Variants in B4GALT4 observed in about 807,000 individuals in gnomAD.
B4GALT4 encodes the protein beta-1,4-galactosyltransferase 4.
Under a neutral mutation model 37.3 loss-of-function variants are expected in B4GALT4, and 27 were observed. That is an observed-to-expected ratio of 0.72 (90% confidence interval 0.53 to 1.00). The LOEUF is 1.00. Among genes scored for constraint, B4GALT4 ranks in the 50% least tolerant of loss-of-function variants. The probability of loss-of-function intolerance (pLI) is 0.00; values close to 1 mark genes in which losing one functional copy is unlikely to be tolerated. For synonymous variants in B4GALT4, 148 were observed against 154.1 expected (o/e 0.96, Z 0.29); for missense variants, 372 against 413.1 (o/e 0.90, Z 0.86).
intron 3 of B4GALT4, among the ~76,000 whole-genome samples, chr3:119,227,342 G>C (rs1307613354): frequency 1.3e-5 from 2 of 152,156 alleles, no homozygotes; most frequent in African/African-American, 4.8e-5. Context: ...GTGAACTCTG[G>C]TAAGAGCAAA....
At position 119,211,925 on chromosome 3, in the gene B4GALT4, C is replaced by A; in HGVS notation, c.*624G>T. 1 of 531,072 alleles carries A rather than the reference C, an allele frequency of 1.9e-6. No individual in the cohort carries two copies. The highest frequency in any genetic ancestry group is 3.1e-5 in the South Asian group (1 of 32,658). 32.9% of individuals were successfully genotyped at this position (531,072 alleles called of 1,614,324 possible). On this transcript the variant is annotated 3_prime_UTR_variant, in exon 8 of 8. Coordinates refer to ENST00000393765, the MANE Select transcript of B4GALT4 (RefSeq NM_003778.4). ...TGGAAGGCATACCTGGGCAGGTCCT[C>A]CCCTGAAGGCTATCAGCAGCTGCAA... is the stretch of plus-strand genomic sequence containing the variant.
chr3:119,221,093 A>C (rs958542355), intron 5 of B4GALT4, among the ~76,000 whole-genome samples: 1 of 152,204 alleles, frequency 6.6e-6, no homozygotes, highest in Non-Finnish European at 1.5e-5. Context: ...AAAAGCATAA[A>C]TATTTAACTG....
chr3:119,227,641 C>T (rs1295835443), intron 3 of B4GALT4, among the ~76,000 whole-genome samples: 1 of 152,194 alleles, frequency 6.6e-6, no homozygotes, highest in African/African-American at 2.4e-5. Flanking sequence ...CGTTTCCAAT[C>T]GAGCACAGTA....
At chr3:119,240,059 CT>C (rs897581708) in intron 1 of B4GALT4, 8 of 151,146 alleles carry the variant, frequency 5.3e-5, no homozygotes, top group African/African-American at 1.9e-4. Context: ...CTTTTTCCTC[CT>C]TTTCATCACC....
intron 1 of B4GALT4, among the ~76,000 whole-genome samples, chr3:119,238,497 T>C (rs1025928002): frequency 2.6e-5 from 4 of 152,172 alleles, no homozygotes; most frequent in African/African-American, 7.2e-5. Flanking sequence ...CTTTAAAATA[T>C]AGTAGTCCTT....
chr3:119,224,322 G>A, intron 4 of B4GALT4, 77 bp from the exon 5 acceptor site: 1 of 1,159,992 alleles, frequency 8.6e-7, no homozygotes, highest in Non-Finnish European at 1.2e-6. Context: ...TTAGGATTCA[G>A]GAGATGGTAT....
intron 2 of B4GALT4, chr3:119,230,457 G>C (rs761356042): frequency 4.3e-5 from 10 of 233,924 alleles, no homozygotes; most frequent in Non-Finnish European, 7.6e-5. Flanking sequence ...TATCAGCCAG[G>C]CTGTCTGCCA....
rs142612658 is a variant in B4GALT4 at position 119,229,164 on chromosome 3, C to T, written c.253+683G>A. On this transcript the variant is annotated intron_variant, in intron 3 of 7. Transcript: ENST00000393765. ...TACAACAGATGTGACCCCACTGAGG[C>T]TTGAATGTGCTTGCATTTCTCCTCT... Among the ~76,000 whole-genome samples, 499 of 152,312 alleles carry T rather than the reference C, an allele frequency of 3.3e-3. 6 individuals are homozygous for T. Among genetic ancestry groups the T allele is most frequent in the African/African-American group, 0.011 (468 of 41,572 alleles).
chr3:119,236,153 C>T lies in B4GALT4; in HGVS notation c.-146+700G>A, dbSNP rs2078979042. On this transcript the variant is annotated intron_variant, in intron 2 of 7. Transcript: ENST00000393765. ...GTAGTGGAGAAATCCAATCGCTCAC[C>T]ACAAGTTCATTCCACGATATACCTA... 4 of 152,090 alleles carry T rather than the reference C, an allele frequency of 2.6e-5. No homozygotes were observed. The South Asian group carries it at 8.3e-4, about 32-fold the overall frequency. The allele number at this position is 152,090 out of a possible 1,614,324, so 9.4% of individuals were successfully genotyped here.
At chr3:119,239,294 C>G (rs1490515426) in intron 1 of B4GALT4, among the ~76,000 whole-genome samples, 1 of 147,538 alleles carries the variant, frequency 6.8e-6, no homozygotes, top group African/African-American at 2.6e-5. Context: ...CCACTGCACT[C>G]CAGCCTGGGC....
At chr3:119,223,599 G>A (rs898590192) in intron 5 of B4GALT4, among the ~76,000 whole-genome samples, 1 of 152,118 alleles carries the variant, frequency 6.6e-6, no homozygotes, top group African/African-American at 2.4e-5. Context: ...ACTACTCAGA[G>A]GACATGCCCT....
At position 119,226,822 on chromosome 3, in the gene B4GALT4, T is replaced by C. The variant is rs763175636; in HGVS notation, c.473A>G (p.Tyr158Cys). Residue 158 changes from tyrosine (Y) to cysteine (C), a missense_variant, in exon 4 of 8, where the codon TAC becomes TGC. Physicochemically the swap from Tyr to Cys is radical, Grantham distance 194. Coordinates refer to ENST00000393765, the MANE Select transcript of B4GALT4 (RefSeq NM_003778.4). ...LQRQQLDYGI[Y>C]VIHQAEGKKF... ...CCCCACGCTCACCTGGTGGATGACG[T>C]AGATGCCATAATCCAGCTGCTGCCT... 6.2e-7 allele frequency: 1 copy of C among 1,613,574 alleles called. No homozygotes were observed. The highest frequency in any genetic ancestry group is 1.7e-5 in the Admixed American group (1 of 60,008).
chr3:119,215,249 CAGA>C (rs2078258871), intron 7 of B4GALT4: 2 of 152,204 alleles, frequency 1.3e-5, no homozygotes, highest in Non-Finnish European at 2.9e-5. Context: ...ATAAAGCAGG[CAGA>C]AGAAGGGAGA....
chr3:119,234,943 T>G (rs1377381012), intron 2 of B4GALT4: 1 of 152,228 alleles, frequency 6.6e-6, no homozygotes. Context: ...TTTTTCTGAC[T>G]ACCTGCTATT....
intron 3 of B4GALT4, 37 bp from the exon 4 acceptor site, chr3:119,227,078 T>C: frequency 6.3e-7 from 1 of 1,585,372 alleles, no homozygotes. Flanking sequence ...TAACAGTAGC[T>C]ACTTCAAAAA....
At chr3:119,213,564 A>T (rs567285362) in intron 7 of B4GALT4, 1 of 152,262 alleles carries the variant, frequency 6.6e-6, no homozygotes, top group Non-Finnish European at 1.5e-5. Flanking sequence ...GAAAACCAAG[A>T]AACAGCAGAA....
chr3:119,225,401 T>C (rs1359705332), intron 4 of B4GALT4, among the ~76,000 whole-genome samples: 4 of 151,290 alleles, frequency 2.6e-5, no homozygotes, highest in Admixed American at 2.0e-4. Context: ...TCTCTTTTTC[T>C]TTTTTTTTAA....
At chr3:119,212,853 T>G (rs1260434520) in intron 7 of B4GALT4, 172 bp from the exon 8 acceptor site, 2 of 622,762 alleles carry the variant, frequency 3.2e-6, no homozygotes, top group Non-Finnish European at 5.3e-6. Context: ...ATGATAGCCA[T>G]GTATTCATGT....
At chr3:119,231,867 ATG>A (rs2078834822) in intron 2 of B4GALT4, among the ~76,000 whole-genome samples, 5 of 147,800 alleles carry the variant, frequency 3.4e-5, no homozygotes, top group African/African-American at 1.2e-4. Context: ...TTTTATATAA[ATG>A]TATATATTTT....
Sources: gnomAD v4.1 joint callset for allele counts (sites outside exome capture counted in the v4.1 genomes callset) on GRCh38, gnomAD v4.1.1 for gene constraint, MANE v1.5 for transcripts, NCBI Gene and HGNC (gene_info 2026-07-23, HGNC 2026-07-21) for gene names.